DHRS4L2: variants seen among roughly 807,000 people sequenced by gnomAD.
DHRS4L2 encodes dehydrogenase/reductase SDR family member 4-like 2.
A neutral mutation model predicts 23.9 loss-of-function variants in DHRS4L2; 22 were observed. That is an observed-to-expected ratio of 0.92 (90% CI 0.66 to 1.31). The LOEUF is 1.31. Among genes scored for constraint, DHRS4L2 ranks in the 40% most tolerant of loss-of-function variants. The pLI, the probability that DHRS4L2 is intolerant of heterozygous loss-of-function variation, is 0.00. For missense variants in DHRS4L2, 385 were observed against 303.3 expected, an observed-to-expected ratio of 1.27 and a Z score of -2.00; for synonymous variants, 141 against 123.7, an observed-to-expected ratio of 1.14 and a Z score of -0.93.
At chr14:23,977,413 C>T (rs374681807) in intron 1 of DHRS4L2, among the ~76,000 whole-genome samples, 3 of 151,628 alleles carry the variant, frequency 2.0e-5, no homozygotes, top group Non-Finnish European at 4.4e-5. Context: ...TTGGCCACTG[C>T]GACCTAAAGT....
upstream of DHRS4L2, among the ~76,000 whole-genome samples, chr14:23,986,954 T>C (rs1248018663): frequency 6.6e-5 from 10 of 151,724 alleles, no homozygotes; most frequent in Non-Finnish European, 1.3e-4. Context: ...CAGAGTCAGC[T>C]TTGCCTGGAC....
intron 1 of DHRS4L2, among the ~76,000 whole-genome samples, chr14:23,981,283 A>G (rs2034047429): frequency 6.6e-6 from 1 of 151,634 alleles, no homozygotes; most frequent in African/African-American, 2.4e-5. Context: ...ACTACAAACC[A>G]CTGCTCAAGG....
upstream of DHRS4L2, among the ~76,000 whole-genome samples, chr14:23,984,541 A>T (rs1384203444): frequency 6.6e-6 from 1 of 151,586 alleles, no homozygotes; most frequent in Non-Finnish European, 1.5e-5. Context: ...TCATGCCTGT[A>T]ATCCCAGCAC....
intron 1 of DHRS4L2, among the ~76,000 whole-genome samples, chr14:23,976,272 A>G (rs1422092752): frequency 6.6e-6 from 1 of 151,862 alleles, no homozygotes; most frequent in Non-Finnish European, 1.5e-5. Context: ...AAAAAAAATA[A>G]CCCCATCAAA....
chr14:24,001,161 G>A, intron 5 of DHRS4L2, 77 bp downstream of exon 5: 3 of 1,608,270 alleles, frequency 1.9e-6, no homozygotes, highest in Non-Finnish European at 1.7e-6. Flanking sequence ...ACCCAAAGAA[G>A]TTTGTGTCCC....
chr14:23,992,141 CA>C (rs1240107518), intron 2 of DHRS4L2, among the ~76,000 whole-genome samples: 2 of 151,562 alleles, frequency 1.3e-5, no homozygotes, highest in Non-Finnish European at 2.9e-5. Context: ...AGGTTTTGAG[CA>C]AGAGAAAGAT....
Position 24,005,978 on chromosome 14 carries a change from G to A in DHRS4L2, c.*115G>A, listed in dbSNP as rs1415843208. Reference sequence around the variant, plus strand: ...ACTGGGGAAACAGTGGTGGTGGGTGGAGGAACCCCGTCCCGCCTCTGAGGA... The same window carrying A: ...ACTGGGGAAACAGTGGTGGTGGGTGAAGGAACCCCGTCCCGCCTCTGAGGA... On this transcript the variant is annotated 3_prime_UTR_variant, in exon 8 of 8. Transcript: ENST00000335125. 1 of 1,610,204 alleles carries A rather than the reference G, an allele frequency of 6.2e-7. No individual in the cohort carries two copies. The highest frequency in any genetic ancestry group is 1.3e-5 in the African/African-American group (1 of 74,116).
chr14:24,004,508 G>C, intron 7 of DHRS4L2, 116 bp downstream of exon 7: 2 of 1,296,332 alleles, frequency 1.5e-6, no homozygotes, highest in Non-Finnish European at 2.2e-6. Context: ...GCTCTCTTCT[G>C]CCTCACAGAC....
upstream of DHRS4L2, among the ~76,000 whole-genome samples, chr14:23,985,876 G>A (rs2034131526): frequency 6.6e-6 from 1 of 151,370 alleles, no homozygotes; most frequent in Admixed American, 6.6e-5. Context: ...CACCAGGCAT[G>A]TATTTTTAGT....
At chr14:23,988,868 C>T (rs540573403), upstream of DHRS4L2, 42 of 1,536,938 alleles carry the variant, frequency 2.7e-5, 1 homozygote, top group South Asian at 4.1e-4. Context: ...AGGGAAGCGG[C>T]CCGCCCTTCG....
In DHRS4L2 at chr14:23,990,332, G is replaced by T. The variant is rs542907863; in HGVS notation, c.279G>T (p.Ala93=). ...VTGTVCHVGK[A]EDRERLVAMA... ...GCACTGTGTGCCATGTGGGGAAGGC[G>T]GAGGACCGGGAGCGGCTGGTGGCCA... Residue 93 remains alanine, a synonymous_variant, in exon 2 of 8, where the codon GCG becomes GCT. Coordinates refer to ENST00000335125, the MANE Select transcript of DHRS4L2 (RefSeq NM_198083.4). The T allele has an allele frequency of 2.7e-5, 44 of 1,611,540 alleles. 1 individual carries two copies. Among genetic ancestry groups the T allele is most frequent in the Non-Finnish European group, 3.7e-5 (44 of 1,178,854 alleles).
chr14:23,989,997 A>C (rs549056371), intron 1 of DHRS4L2, among the ~76,000 whole-genome samples, 185 bp from the exon 2 acceptor site: 4 of 152,020 alleles, frequency 2.6e-5, no homozygotes, highest in Admixed American at 2.0e-4. Context: ...TCATAATAAA[A>C]ATAAGTAAAG....
upstream of DHRS4L2, among the ~76,000 whole-genome samples, chr14:23,986,804 TC>T (rs71906684): frequency 1.3e-3 from 198 of 150,064 alleles, 3 homozygotes; most frequent in African/African-American, 4.1e-3. Context: ...CTGTGTACCC[TC>T]CCCCCAGCCC....
chr14:23,993,914 A>C (rs1369967903), intron 2 of DHRS4L2, among the ~76,000 whole-genome samples: 1 of 151,564 alleles, frequency 6.6e-6, no homozygotes, highest in Non-Finnish European at 1.5e-5. Context: ...TGGGAGACTG[A>C]CCTCACTTCT....
chr14:23,989,099 T>C, intron 1 of DHRS4L2, 24 bp downstream of exon 1: 2 of 1,555,178 alleles, frequency 1.3e-6, no homozygotes, highest in Non-Finnish European at 1.7e-6. Context: ...CCGGAGTTTC[T>C]GAGGCCCTGG....
chr14:23,989,053 C>T lies in DHRS4L2; in HGVS notation c.106C>T (p.Leu36=), dbSNP rs1278121310. Residue 36 remains leucine, a synonymous_variant, in exon 1 of 8, where the codon CTG becomes TTG. Coordinates refer to ENST00000335125, the MANE Select transcript of DHRS4L2 (RefSeq NM_198083.4). ...GGACCCGCTCACAAATAAGGTGGCC[C>T]TGGTAACGGCCTCCACCGACGGGTG... The part of the protein sequence containing the change: ...RRDPLTNKVA[L]VTASTDGIGF... 3 of 1,586,674 alleles carry T rather than the reference C, an allele frequency of 1.9e-6. No individual in the cohort carries two copies. Among genetic ancestry groups the T allele is most frequent in the Non-Finnish European group, 8.6e-7 (1 of 1,166,872 alleles).
intron 1 of DHRS4L2, among the ~76,000 whole-genome samples, chr14:23,982,075 G>A (rs1828526780): frequency 1.3e-5 from 2 of 151,606 alleles, no homozygotes; most frequent in Admixed American, 6.6e-5. Context: ...CCCTTCATGG[G>A]TGTCGGGCTG....
intron 3 of DHRS4L2, among the ~76,000 whole-genome samples, chr14:23,998,469 CTGT>C (rs1201047279): frequency 6.6e-6 from 1 of 150,606 alleles, no homozygotes; most frequent in Non-Finnish European, 1.5e-5. Context: ...CATTGAAAAT[CTGT>C]TGTTTGCTGT....
chr14:23,974,721 G>C (rs531953867), intron 1 of DHRS4L2, among the ~76,000 whole-genome samples: 1 of 151,926 alleles, frequency 6.6e-6, no homozygotes, highest in South Asian at 2.1e-4. Context: ...TTGCTGAATA[G>C]ACCAATAACA....
Sources: gnomAD v4.1 joint callset for allele counts (sites outside exome capture counted in the v4.1 genomes callset) on GRCh38, gnomAD v4.1.1 for gene constraint, MANE v1.5 for transcripts, NCBI Gene and HGNC (gene_info 2026-07-23, HGNC 2026-07-21) for gene names.